EMB: variants seen among roughly 807,000 people sequenced by gnomAD.
EMB encodes the protein embigin homolog.
EMB carries 31 observed loss-of-function variants against 41.4 expected under a neutral mutation model. That is an observed-to-expected ratio of 0.75 (90% CI 0.56 to 1.01). The LOEUF is 1.01. Ranked by LOEUF, EMB falls within the 50% of genes least tolerant of loss-of-function variation. The pLI is 0.00. For synonymous variants in EMB, 137 were observed against 140.4 expected (o/e 0.98, Z 0.17); for missense variants, 379 against 388.3 (o/e 0.98, Z 0.20).
chr5:50,402,684 A>T (rs1356879177), intron 6 of EMB, among the ~76,000 whole-genome samples: 1 of 151,964 alleles, frequency 6.6e-6, no homozygotes, highest in Non-Finnish European at 1.5e-5. Flanking sequence ...GGCCGCAAAA[A>T]TAGGACATGA....
At chr5:50,409,817 G>C (rs1454299490) in intron 4 of EMB, among the ~76,000 whole-genome samples, 3 of 152,000 alleles carry the variant, frequency 2.0e-5, no homozygotes, top group Non-Finnish European at 4.4e-5. Context: ...AGTTAAGAAA[G>C]AATATACATG....
At chr5:50,423,229 C>T (rs957481366) in intron 2 of EMB, among the ~76,000 whole-genome samples, 14 of 152,066 alleles carry the variant, frequency 9.2e-5, no homozygotes, top group African/African-American at 3.4e-4. Context: ...ACAAACAATA[C>T]TAGTTTTTAT....
chr5:50,438,542 T>C (rs2111876839), intron 1 of EMB, among the ~76,000 whole-genome samples: 2 of 152,328 alleles, frequency 1.3e-5, no homozygotes, highest in Middle Eastern at 6.8e-3. Context: ...ACTATTCTTA[T>C]TATTAAAATT....
intron 2 of EMB, among the ~76,000 whole-genome samples, chr5:50,424,252 G>C (rs1349452457): frequency 5.9e-5 from 9 of 152,156 alleles, no homozygotes; most frequent in Admixed American, 4.6e-4. Flanking sequence ...AGGTGTGGCA[G>C]GAGGGTTTTC....
intron 5 of EMB, among the ~76,000 whole-genome samples, chr5:50,404,225 C>A (rs1745213273): frequency 6.6e-6 from 1 of 151,916 alleles, no homozygotes; most frequent in Non-Finnish European, 1.5e-5. Flanking sequence ...TGCTAATCTG[C>A]ATACAAATAT....
At chr5:50,437,376 G>A (rs190899476) in intron 1 of EMB, among the ~76,000 whole-genome samples, 13 of 152,284 alleles carry the variant, frequency 8.5e-5, no homozygotes, top group Admixed American at 8.5e-4. Context: ...TCAAAGTGCT[G>A]TCTGCCAAGC....
chr5:50,410,533 G>T (rs535040639), intron 4 of EMB, among the ~76,000 whole-genome samples: 8 of 152,198 alleles, frequency 5.3e-5, no homozygotes, highest in Middle Eastern at 3.4e-3. Context: ...CAGAGGCTGG[G>T]ACCACAATAA....
intron 1 of EMB, among the ~76,000 whole-genome samples, chr5:50,436,017 G>C (rs1424301946): frequency 2.6e-5 from 4 of 152,016 alleles, no homozygotes; most frequent in African/African-American, 9.7e-5. Context: ...CCTGAAATCA[G>C]CCATTTCTCC....
At position 50,396,192 on chromosome 5, in the gene EMB, T is replaced by G. The variant is rs549918310; in HGVS notation, c.*3081A>C. The G allele has an allele frequency of 1.3e-5, 2 of 152,170 alleles. No individual in the cohort carries two copies. Among genetic ancestry groups the G allele is most frequent in the Non-Finnish European group, 1.5e-5 (1 of 68,024 alleles). The allele number at this position is 152,170 out of a possible 1,614,324, so 9.4% of individuals were successfully genotyped here. A position where few individuals can be genotyped will look rare whatever the true frequency, so the allele number is the denominator to read the frequency against. On this transcript the variant is annotated 3_prime_UTR_variant, in exon 9 of 9. Transcript: ENST00000303221. ...TTTTCAAAGTAAAAGAAGCAAATAC[T>G]GAAGTTATAAAAGCTTGTTTTTCTT...
At chr5:50,405,192 T>C (rs559846079) in intron 5 of EMB, among the ~76,000 whole-genome samples, 34 of 151,932 alleles carry the variant, frequency 2.2e-4, no homozygotes, top group Non-Finnish European at 4.3e-4. Flanking sequence ...TTAAAAGTAT[T>C]TGGCTTCTCT....
Position 50,411,348 on chromosome 5 carries a change from A to C in EMB, c.232T>G (p.Leu78Val). The change falls in exon 3 of 9, where the codon TTA becomes GTA. Residue 78 changes from leucine (L) to valine (V), a missense_variant. By Grantham distance (32) the Leu-to-Val change is conservative. Transcript: ENST00000303221. The part of the protein sequence containing the change: ...SSMPVEKNIT[L>V]ERPSNVNLTC... ...AGATTTACATTAGAAGGCCTTTCTA[A>C]AGTGATATTTTTTTCTACTGGCATA... The C allele has an allele frequency of 1.2e-6, 2 of 1,608,484 alleles. No homozygotes were observed. The highest frequency in any genetic ancestry group is 1.7e-6 in the Non-Finnish European group (2 of 1,177,018).
chr5:50,413,059 C>T (rs1005026340), intron 2 of EMB, among the ~76,000 whole-genome samples: 14 of 152,054 alleles, frequency 9.2e-5, no homozygotes, highest in African/African-American at 3.4e-4. Flanking sequence ...CATACATACA[C>T]ACGCGCCCAC....
In EMB at chr5:50,405,649, C is replaced by T. The variant is rs1745235636; in HGVS notation, c.600+76G>A. 4 of 1,498,920 alleles carry T rather than the reference C, an allele frequency of 2.7e-6. No individual in the cohort carries two copies. In the Admixed American group the frequency reaches 9.4e-5, roughly 35 times the overall value. 92.9% of individuals were successfully genotyped at this position (1,498,920 alleles called of 1,614,324 possible). On this transcript the variant is annotated intron_variant, in intron 5 of 8. Transcript: ENST00000303221. ...ATAAATCATCTTAGGAATGCTGAGT[C>T]TGTTACAATCTTGTTATTTTTTAAA...
chr5:50,403,847 C>T (rs1745206629), intron 5 of EMB, among the ~76,000 whole-genome samples: 1 of 151,884 alleles, frequency 6.6e-6, no homozygotes, highest in Non-Finnish European at 1.5e-5. Context: ...CAAACAACTA[C>T]CACCCCGGAA....
At position 50,398,101 on chromosome 5, in the gene EMB, T is replaced by G. The variant is rs1157481808; in HGVS notation, c.*1172A>C. 1 of 151,658 alleles carries G rather than the reference T, an allele frequency of 6.6e-6. No individual in the cohort carries two copies. The highest frequency in any genetic ancestry group is 2.4e-5 in the African/African-American group (1 of 41,298). The allele number at this position is 151,658 out of a possible 1,614,324, so 9.4% of individuals were successfully genotyped here. A position where few individuals can be genotyped will look rare whatever the true frequency, so the allele number is the denominator to read the frequency against. The stretch of plus-strand genomic sequence containing the variant: ...CACCACCACTCTTTGCTTCTGTTCT[T>G]AAAGTTGTTGCCCTTTGAGCAGTGG... On this transcript the variant is annotated 3_prime_UTR_variant, in exon 9 of 9. Transcript: ENST00000303221.
chr5:50,433,932 T>G (rs1191589273), intron 1 of EMB, among the ~76,000 whole-genome samples: 1 of 152,208 alleles, frequency 6.6e-6, no homozygotes. Flanking sequence ...GCTGCATTAG[T>G]CCAATATCTG....
At chr5:50,417,569 A>C (rs2111815319) in intron 2 of EMB, among the ~76,000 whole-genome samples, 1 of 152,354 alleles carries the variant, frequency 6.6e-6, no homozygotes, top group Non-Finnish European at 1.5e-5. Context: ...TAAACTTAAA[A>C]TGTGAAATCA....
intron 1 of EMB, among the ~76,000 whole-genome samples, chr5:50,440,224 C>T (rs1745875552): frequency 6.6e-6 from 1 of 151,956 alleles, no homozygotes; most frequent in African/African-American, 2.4e-5. Flanking sequence ...ATGTTTTTTC[C>T]CCTACTCAGC....
chr5:50,405,925 T>A, intron 4 of EMB, 73 bp from the exon 5 acceptor site: 1 of 1,455,730 alleles, frequency 6.9e-7, no homozygotes. Context: ...TGTGCAAATA[T>A]TGTCTCCTTT....
Sources: allele counts gnomAD v4.1 joint callset (sites outside exome capture counted in the v4.1 genomes callset), GRCh38; gene constraint gnomAD v4.1.1; transcripts MANE v1.5; gene names NCBI Gene and HGNC (gene_info 2026-07-23, HGNC 2026-07-21).